ADARB2: variants seen among roughly 807,000 people sequenced by gnomAD.
The protein encoded by ADARB2 is inactive double-stranded RNA-specific editase B2.
A neutral mutation model predicts 62.2 loss-of-function variants in ADARB2; 25 were observed. The observed-to-expected ratio is 0.40, with a 90% CI of 0.29 to 0.56. The LOEUF (loss-of-function observed/expected upper bound fraction) is 0.56, where lower values mean the gene tolerates loss of function less well. Ranked by LOEUF, ADARB2 falls within the 20% of genes least tolerant of loss-of-function variation. The probability of loss-of-function intolerance (pLI) is 0.43; values close to 1 mark genes in which losing one functional copy is unlikely to be tolerated. For missense variants in ADARB2, 1,071 were observed against 1,077.4 expected (o/e 0.99, Z 0.08); for synonymous variants, 572 against 500.8 (o/e 1.14, Z -1.90).
At chr10:1,224,124 G>A (rs1308867361) in intron 6 of ADARB2, among the ~76,000 whole-genome samples, 1 of 152,178 alleles carries the variant, frequency 6.6e-6, no homozygotes, top group East Asian at 1.9e-4. Flanking sequence ...TATATTCAGA[G>A]ATTCAGCTTC....
At chr10:1,572,461 C>T (rs572899845) in intron 1 of ADARB2, among the ~76,000 whole-genome samples, 1 of 152,214 alleles carries the variant, frequency 6.6e-6, no homozygotes, top group East Asian at 1.9e-4. Flanking sequence ...ACGGTGGGTG[C>T]CCTTTCTCGT....
chr10:1,696,285 C>G (rs544814853), intron 1 of ADARB2, among the ~76,000 whole-genome samples: 23 of 151,874 alleles, frequency 1.5e-4, no homozygotes, highest in African/African-American at 4.8e-4. Flanking sequence ...TGTGTATGCA[C>G]GTGTGTTGTG....
intron 7 of ADARB2, among the ~76,000 whole-genome samples, chr10:1,210,155 T>C (rs576204539): frequency 2.0e-5 from 3 of 152,224 alleles, no homozygotes; most frequent in Non-Finnish European, 4.4e-5. Flanking sequence ...GATCTTTTGA[T>C]ACAAAAGATC....
intron 1 of ADARB2, among the ~76,000 whole-genome samples, chr10:1,650,345 T>C (rs1221016382): frequency 6.6e-6 from 1 of 152,154 alleles, no homozygotes; most frequent in African/African-American, 2.4e-5. Context: ...GTGTTTTGAG[T>C]AGGTCAGCAT....
At position 1,363,898 on chromosome 10, in the gene ADARB2, C is replaced by G; in HGVS notation, c.207G>C (p.Val69=). Residue 69 remains valine (V), a synonymous_variant, in exon 3 of 10, where the codon GTG becomes GTC. Coordinates refer to ENST00000381312, the MANE Select transcript of ADARB2 (RefSeq NM_018702.4). ...DDTLSTSSAE[V]KENRNVGNLA... Reference sequence around the variant, plus strand: ...GGTTGCCCACGTTGCGGTTCTCCTTCACCTCCGCGCTGCTGGTACCTGGAG... The same window carrying G: ...GGTTGCCCACGTTGCGGTTCTCCTTGACCTCCGCGCTGCTGGTACCTGGAG... The G allele has an allele frequency of 6.8e-7, 1 of 1,477,434 alleles. No homozygotes were observed. Among genetic ancestry groups the G allele is most frequent in the African/African-American group, 1.4e-5 (1 of 69,278 alleles). The allele number at this position is 1,477,434 out of a possible 1,614,324, so 91.5% of individuals were successfully genotyped here.
At chr10:1,524,510 G>A (rs2131953829) in intron 1 of ADARB2, among the ~76,000 whole-genome samples, 1 of 152,326 alleles carries the variant, frequency 6.6e-6, no homozygotes, top group Admixed American at 6.5e-5. Context: ...TCAGCAAGAA[G>A]CACTTTTCCT....
At chr10:1,681,875 C>T (rs1834541148) in intron 1 of ADARB2, among the ~76,000 whole-genome samples, 2 of 152,166 alleles carry the variant, frequency 1.3e-5, no homozygotes, top group African/African-American at 4.8e-5. Flanking sequence ...GTGCAGCACA[C>T]TCCGCAGAGA....
chr10:1,399,414 A>G (rs577217242), intron 1 of ADARB2, among the ~76,000 whole-genome samples: 1 of 152,010 alleles, frequency 6.6e-6, no homozygotes, highest in East Asian at 1.9e-4. Flanking sequence ...ACATTTATAA[A>G]GAATCTGGCC....
At chr10:1,568,794 CTCTATCTCTATCTA>C (rs1205765701) in intron 1 of ADARB2, among the ~76,000 whole-genome samples, 2 of 137,562 alleles carry the variant, frequency 1.5e-5, no homozygotes, top group Non-Finnish European at 3.1e-5. Flanking sequence ...ATCTATATGT[CTCTATCTCTATCTA>C]TCTATCTATC....
intron 1 of ADARB2, among the ~76,000 whole-genome samples, chr10:1,465,172 T>C (rs1275810272): frequency 1.3e-5 from 2 of 152,066 alleles, no homozygotes; most frequent in South Asian, 2.1e-4. Flanking sequence ...CTTCTCAAAA[T>C]GGCAAAGTTA....
intron 1 of ADARB2, among the ~76,000 whole-genome samples, chr10:1,627,552 T>C (rs1004713597): frequency 3.9e-5 from 6 of 152,206 alleles, no homozygotes; most frequent in African/African-American, 1.4e-4. Flanking sequence ...AAACTTCATG[T>C]AGAAGTTTGC....
chr10:1,234,989 C>A (rs1830850920), intron 5 of ADARB2, among the ~76,000 whole-genome samples: 1 of 152,222 alleles, frequency 6.6e-6, no homozygotes. Flanking sequence ...TCAGGTGATC[C>A]ACCCGCCTTG....
chr10:1,625,894 C>T (rs114360989), intron 1 of ADARB2, among the ~76,000 whole-genome samples: 2 of 152,184 alleles, frequency 1.3e-5, no homozygotes, highest in Non-Finnish European at 2.9e-5. Context: ...CCACTTCTCA[C>T]GCCTCTGCCT....
chr10:1,229,804 G>A lies in ADARB2; in HGVS notation c.1513+3890C>T, dbSNP rs1382345423. On this transcript the variant is annotated intron_variant, in intron 6 of 9. Coordinates refer to ENST00000381312, the MANE Select transcript of ADARB2 (RefSeq NM_018702.4). ...TGTGTACATGTGTTTATGTGTGTGC[G>A]TGTACATGTACTTATGTATGTTTTT... 5.1e-5 allele frequency among the ~76,000 whole-genome samples: 5 copies of A among 98,882 alleles called. No individual in the cohort carries two copies. The East Asian group carries it at 1.1e-3, about 21-fold the overall frequency. The allele number at this position is 98,882 out of a possible 152,430, so 64.9% of individuals were successfully genotyped here.
chr10:1,487,175 G>T (rs1831554204), intron 1 of ADARB2, among the ~76,000 whole-genome samples: 1 of 152,258 alleles, frequency 6.6e-6, no homozygotes. Flanking sequence ...AACCTGGAAA[G>T]TCAAACCAAA....
chr10:1,487,472 A>G (rs1831558845), intron 1 of ADARB2, among the ~76,000 whole-genome samples: 2 of 151,880 alleles, frequency 1.3e-5, no homozygotes, highest in Admixed American at 6.6e-5. Context: ...CTGAGTGGAG[A>G]CCCTGTGGGC....
rs545669372 is a variant in ADARB2, at chr10:1,241,718, G to T, written c.1361+413C>A. On this transcript the variant is annotated intron_variant, in intron 5 of 9. Coordinates refer to ENST00000381312, the MANE Select transcript of ADARB2 (RefSeq NM_018702.4). The stretch of plus-strand genomic sequence containing the variant: ...CTCAGCGGCCTCTTCACATGTACTT[G>T]GCACAGGAGGCAAGAAGACAGCGCG... 3.3e-5 allele frequency among the ~76,000 whole-genome samples: 5 copies of T among 152,328 alleles called. No individual in the cohort carries two copies. The South Asian group carries it at 1.0e-3, about 32-fold the overall frequency.
chr10:1,487,584 G>A (rs1481476790), intron 1 of ADARB2, among the ~76,000 whole-genome samples: 1 of 152,196 alleles, frequency 6.6e-6, no homozygotes, highest in East Asian at 1.9e-4. Flanking sequence ...GTAAATAAAG[G>A]TCATGGAACA....
intron 1 of ADARB2, among the ~76,000 whole-genome samples, chr10:1,722,397 T>C (rs74109521): frequency 0.014 from 2,185 of 152,332 alleles, 48 homozygotes; most frequent in East Asian, 0.11. Flanking sequence ...CTGAATCAGT[T>C]AATCTAAGAA....
Sources: allele counts gnomAD v4.1 joint callset (sites outside exome capture counted in the v4.1 genomes callset), GRCh38; gene constraint gnomAD v4.1.1; transcripts MANE v1.5; gene names NCBI Gene and HGNC (gene_info 2026-07-23, HGNC 2026-07-21).